Variants in DMRT1 observed in about 807,000 individuals in gnomAD.
DMRT1 encodes the protein doublesex- and mab-3-related transcription factor 1.
Under a neutral mutation model 32.3 loss-of-function variants are expected in DMRT1, and 7 were observed. That is an observed-to-expected ratio of 0.22 (90% confidence interval 0.12 to 0.41). The LOEUF (loss-of-function observed/expected upper bound fraction) is 0.41, where lower values mean the gene tolerates loss of function less well. Among genes scored for constraint, DMRT1 ranks in the 10% least tolerant of loss-of-function variants. The pLI is 1.00. For missense variants in DMRT1, 625 were observed against 500.5 expected (o/e 1.25, Z -2.37); for synonymous variants, 278 against 206.1 (o/e 1.35, Z -2.99).
At chr9:847,668 G>GTT (rs1838964810) in intron 2 of DMRT1, among the ~76,000 whole-genome samples, 1 of 61,104 alleles carries the variant, frequency 1.6e-5, no homozygotes, top group African/African-American at 3.3e-5. Flanking sequence ...CTGAGACATA[G>GTT]ACAGTTATGG....
intron 4 of DMRT1, among the ~76,000 whole-genome samples, chr9:939,783 T>C (rs969097569): frequency 1.3e-5 from 2 of 152,226 alleles, no homozygotes; most frequent in Admixed American, 6.5e-5. Flanking sequence ...TTCTTTCATA[T>C]AGATACTACA....
chr9:889,666 G>A (rs529076667), intron 2 of DMRT1, among the ~76,000 whole-genome samples: 2 of 152,298 alleles, frequency 1.3e-5, no homozygotes, highest in African/African-American at 4.8e-5. Context: ...CTGATAAAAG[G>A]TTCAGATTAA....
At position 902,417 on chromosome 9, in the gene DMRT1, G is replaced by T. The variant is rs577066744; in HGVS notation, c.822+8222G>T. Among the ~76,000 whole-genome samples, 156 of 151,320 alleles carry T rather than the reference G, an allele frequency of 1.0e-3. 1 individual carries two copies. The highest frequency in any genetic ancestry group is 3.7e-3 in the African/African-American group (152 of 41,260). On this transcript the variant is annotated intron_variant, in intron 3 of 4. Coordinates refer to ENST00000382276, the MANE Select transcript of DMRT1 (RefSeq NM_021951.3). ...TGAAGTTCTTTAGGGGCTTCAGTGT[G>T]CTCCCTTTAGCAATTATGTGGACTT...
intron 3 of DMRT1, among the ~76,000 whole-genome samples, chr9:899,123 C>A (rs1048981124): frequency 6.6e-6 from 1 of 151,824 alleles, no homozygotes; most frequent in Non-Finnish European, 1.5e-5. Flanking sequence ...TAGGATAACT[C>A]CTTTCTGATT....
intron 4 of DMRT1, among the ~76,000 whole-genome samples, chr9:950,466 C>T (rs1374564743): frequency 6.6e-6 from 1 of 152,002 alleles, no homozygotes; most frequent in Admixed American, 6.5e-5. Context: ...TGAGCTTGGG[C>T]ATGTTAATCT....
At chr9:930,450 C>G (rs962579544) in intron 4 of DMRT1, among the ~76,000 whole-genome samples, 2 of 150,988 alleles carry the variant, frequency 1.3e-5, no homozygotes, top group African/African-American at 2.4e-5. Context: ...TTCGCTCTGT[C>G]GCCCAGGCTG....
chr9:877,384 C>A (rs921872330), intron 2 of DMRT1, among the ~76,000 whole-genome samples: 5 of 152,156 alleles, frequency 3.3e-5, no homozygotes, highest in African/African-American at 9.7e-5. Flanking sequence ...GTAGAGGAGA[C>A]AAAGAAATGC....
intron 4 of DMRT1, among the ~76,000 whole-genome samples, chr9:944,638 A>G (rs1819183090): frequency 6.6e-6 from 1 of 152,120 alleles, no homozygotes; most frequent in East Asian, 1.9e-4. Flanking sequence ...CATTTTGAGA[A>G]CAGAATCCGT....
chr9:918,243 G>A (rs978278268), intron 4 of DMRT1, among the ~76,000 whole-genome samples: 1 of 152,190 alleles, frequency 6.6e-6, no homozygotes, highest in Non-Finnish European at 1.5e-5. Context: ...GCACAATTTG[G>A]GGATGAAGCA....
intron 4 of DMRT1, among the ~76,000 whole-genome samples, chr9:934,849 A>T (rs1818835086): frequency 6.6e-6 from 1 of 152,206 alleles, no homozygotes; most frequent in South Asian, 2.1e-4. Context: ...TGAGCATCAG[A>T]GAACACCAGA....
chr9:967,421 T>C (rs986364648), intron 4 of DMRT1, among the ~76,000 whole-genome samples: 17 of 152,388 alleles, frequency 1.1e-4, no homozygotes, highest in African/African-American at 3.8e-4. Flanking sequence ...CTCTCCCATT[T>C]ACTGTCTTTT....
Position 842,033 on chromosome 9 carries a change from C to G in DMRT1, c.195C>G (p.Ala65=), listed in dbSNP as rs113956859. Residue 65 remains alanine (A), a synonymous_variant, in exon 1 of 5, where the codon GCC becomes GCG. Transcript: ENST00000382276. ...GSGSGASDLG[A]GSKKSPRLPK... is the part of the protein sequence containing the mutation. ...GCTCCGGGGCGTCGGACCTGGGTGC[C>G]GGGAGCAAGAAGTCCCCGCGGCTGC... The G allele has an allele frequency of 7.8e-6, 12 of 1,547,376 alleles. 1 individual carries two copies. Among genetic ancestry groups the G allele is most frequent in the African/African-American group, 5.5e-5 (4 of 73,260 alleles).
intron 4 of DMRT1, among the ~76,000 whole-genome samples, chr9:964,921 T>C (rs1425868812): frequency 6.6e-6 from 1 of 152,232 alleles, no homozygotes; most frequent in African/African-American, 2.4e-5. Flanking sequence ...TTAGCATTTT[T>C]ACAAAATGAC....
intron 2 of DMRT1, among the ~76,000 whole-genome samples, chr9:862,225 T>G (rs1311248757): frequency 6.6e-6 from 1 of 151,768 alleles, no homozygotes; most frequent in Non-Finnish European, 1.5e-5. Context: ...GAGCACTGAG[T>G]GAGCGAGACT....
chr9:883,790 A>T (rs1343215209), intron 2 of DMRT1, among the ~76,000 whole-genome samples: 3 of 112,436 alleles, frequency 2.7e-5, no homozygotes, highest in Non-Finnish European at 5.1e-5. Flanking sequence ...CCTGTTTCTT[A>T]AAAAAAAAAA....
At chr9:919,982 T>C (rs1818303935) in intron 4 of DMRT1, among the ~76,000 whole-genome samples, 1 of 152,170 alleles carries the variant, frequency 6.6e-6, no homozygotes, top group Non-Finnish European at 1.5e-5. Flanking sequence ...TCGAAGATAA[T>C]TCCAAAGTAG....
intron 4 of DMRT1, among the ~76,000 whole-genome samples, chr9:955,240 C>T (rs1819562345): frequency 6.6e-6 from 1 of 152,060 alleles, no homozygotes. Context: ...GCAGGGCAGG[C>T]CACTGGCATT....
intron 4 of DMRT1, among the ~76,000 whole-genome samples, chr9:940,361 T>C (rs1586644645): frequency 1.3e-5 from 2 of 151,848 alleles, no homozygotes; most frequent in Admixed American, 6.6e-5. Context: ...CACACAGACA[T>C]AGAGACCAAT....
intron 4 of DMRT1, among the ~76,000 whole-genome samples, chr9:949,862 G>C (rs986397289): frequency 1.3e-5 from 2 of 152,154 alleles, no homozygotes; most frequent in African/African-American, 2.4e-5. Context: ...TGTCCTCCAG[G>C]TTCATTCCGT....
Sources: gnomAD v4.1 joint callset for allele counts (sites outside exome capture counted in the v4.1 genomes callset) on GRCh38, gnomAD v4.1.1 for gene constraint, MANE v1.5 for transcripts, NCBI Gene and HGNC (gene_info 2026-07-23, HGNC 2026-07-21) for gene names.